GRM7: variants seen among roughly 807,000 people sequenced by gnomAD.
The protein encoded by GRM7 is glutamate metabotropic receptor 7, also known as metabotropic glutamate receptor 7.
Under a neutral mutation model 84.5 loss-of-function variants are expected in GRM7, and 35 were observed. That is an observed-to-expected ratio of 0.41 (90% confidence interval 0.32 to 0.55). GRM7 has a LOEUF of 0.55. Ranked by LOEUF, GRM7 falls within the 20% of genes least tolerant of loss-of-function variation. The probability of loss-of-function intolerance (pLI) is 0.19; values close to 1 mark genes in which losing one functional copy is unlikely to be tolerated. For missense variants in GRM7, 1,003 were observed against 1,194.6 expected, an observed-to-expected ratio of 0.84 and a Z score of 2.36; for synonymous variants, 487 against 455.1, an observed-to-expected ratio of 1.07 and a Z score of -0.89.
chr3:7,337,360 G>A (rs1309448424), intron 4 of GRM7, among the ~76,000 whole-genome samples: 1 of 152,030 alleles, frequency 6.6e-6, no homozygotes, highest in African/African-American at 2.4e-5. Context: ...TAGGCAAATA[G>A]TTCGTGACCA....
chr3:7,639,206 A>G (rs1481231301), intron 8 of GRM7, among the ~76,000 whole-genome samples: 1 of 152,120 alleles, frequency 6.6e-6, no homozygotes, highest in Non-Finnish European at 1.5e-5. Flanking sequence ...TTGCTTCTTT[A>G]GAAACTCCAG....
intron 1 of GRM7, among the ~76,000 whole-genome samples, chr3:7,061,971 A>G (rs958050374): frequency 6.6e-6 from 1 of 151,620 alleles, no homozygotes; most frequent in African/African-American, 2.4e-5. Flanking sequence ...CAGGAGAGAG[A>G]GTAATGTGGG....
intron 4 of GRM7, among the ~76,000 whole-genome samples, chr3:7,346,782 A>G (rs2125086283): frequency 6.6e-6 from 1 of 152,288 alleles, no homozygotes; most frequent in South Asian, 2.1e-4. Context: ...TGATCTCATC[A>G]TTTGAAGTGC....
chr3:7,646,455 G>A (rs1275666142), intron 8 of GRM7, among the ~76,000 whole-genome samples: 1 of 152,092 alleles, frequency 6.6e-6, no homozygotes, highest in Non-Finnish European at 1.5e-5. Flanking sequence ...GCCTCCCAAA[G>A]TGCTTGGATT....
Position 6,862,087 on chromosome 3 carries a change from C to T in GRM7, c.519+180C>T, listed in dbSNP as rs1424133919. ...GATACCTTCCCTGCTTGGTTTATTTCCCTTCCATCTCTCCCCTGTCCACGC... is the reference window on the plus strand; with the variant it reads ...GATACCTTCCCTGCTTGGTTTATTTTCCTTCCATCTCTCCCCTGTCCACGC... On this transcript the variant is annotated intron_variant, in intron 1 of 9. Coordinates refer to ENST00000357716, the MANE Select transcript of GRM7 (RefSeq NM_000844.4). The surrounding 1 kb of genome is among the most constrained non-coding windows in gnomAD (Gnocchi z 5.2). Among the ~76,000 whole-genome samples the T allele has an allele frequency of 6.6e-6, 1 of 151,988 alleles. No homozygotes were observed. The highest frequency in any genetic ancestry group is 1.5e-5 in the Non-Finnish European group (1 of 68,008).
At chr3:7,110,978 T>A (rs569516454) in intron 1 of GRM7, among the ~76,000 whole-genome samples, 1 of 151,956 alleles carries the variant, frequency 6.6e-6, no homozygotes, top group Non-Finnish European at 1.5e-5. Context: ...GAAGACAGAA[T>A]GGGTGGAGGG....
intron 4 of GRM7, among the ~76,000 whole-genome samples, chr3:7,343,913 A>G (rs1692768139): frequency 6.6e-6 from 1 of 151,186 alleles, no homozygotes. Context: ...TGCAGCAAGT[A>G]GGGAATGAGG....
chr3:7,029,310 A>AAC (rs1696099704), intron 1 of GRM7, among the ~76,000 whole-genome samples: 1 of 110,122 alleles, frequency 9.1e-6, no homozygotes, highest in African/African-American at 2.8e-5. Context: ...TCAAAAAAAA[A>AAC]AAAACAAAAA....
At chr3:7,443,094 T>A (rs1375092520) in intron 5 of GRM7, among the ~76,000 whole-genome samples, 7 of 152,120 alleles carry the variant, frequency 4.6e-5, no homozygotes, top group Admixed American at 4.6e-4. Flanking sequence ...CTCCCTCTTC[T>A]GTTTTTATTT....
chr3:7,472,021 C>T (rs1167997063), intron 7 of GRM7, among the ~76,000 whole-genome samples: 1 of 152,156 alleles, frequency 6.6e-6, no homozygotes, highest in African/African-American at 2.4e-5. Flanking sequence ...GATTCATGCC[C>T]TACCTCGGAG....
chr3:7,371,688 C>G (rs1694142365), intron 4 of GRM7, among the ~76,000 whole-genome samples: 1 of 152,200 alleles, frequency 6.6e-6, no homozygotes, highest in South Asian at 2.1e-4. Context: ...CTGACACCCC[C>G]TTTCTCCTCC....
rs147689420 is a variant in GRM7 at position 7,597,059 on chromosome 3, T to G, written c.2451+17702T>G. 2.0e-5 allele frequency among the ~76,000 whole-genome samples: 3 copies of G among 152,304 alleles called. No individual in the cohort carries two copies. In the East Asian group the frequency reaches 5.8e-4, roughly 29 times the overall value. On this transcript the variant is annotated intron_variant, in intron 8 of 9. Coordinates refer to ENST00000357716, the MANE Select transcript of GRM7 (RefSeq NM_000844.4). The stretch of plus-strand genomic sequence containing the variant: ...TATTATTCGGCTATAAAGAAATACC[T>G]GAGACTGGGTAATTTATAAAGAAAA...
chr3:7,284,924 G>A (rs190844111), intron 2 of GRM7, among the ~76,000 whole-genome samples: 1 of 152,200 alleles, frequency 6.6e-6, no homozygotes, highest in Admixed American at 6.5e-5. Flanking sequence ...CAATAAAAAT[G>A]ATGCTAATTT....
intron 7 of GRM7, among the ~76,000 whole-genome samples, chr3:7,505,266 G>T (rs1006224309): frequency 6.6e-6 from 1 of 152,210 alleles, no homozygotes; most frequent in Admixed American, 6.5e-5. Context: ...GGAGGGCTCC[G>T]CCTATGTAGC....
chr3:7,119,626 C>G (rs892581204), intron 1 of GRM7, among the ~76,000 whole-genome samples: 1 of 152,126 alleles, frequency 6.6e-6, no homozygotes, highest in African/African-American at 2.4e-5. Flanking sequence ...CATTCATAAT[C>G]TAGGACTGGA....
chr3:7,433,925 G>A (rs2124854520), intron 5 of GRM7, among the ~76,000 whole-genome samples: 1 of 152,276 alleles, frequency 6.6e-6, no homozygotes, highest in Admixed American at 6.5e-5. Context: ...CCAATATGGA[G>A]AAAATGGACA....
At chr3:7,472,086 A>C (rs991064026) in intron 7 of GRM7, among the ~76,000 whole-genome samples, 1 of 152,162 alleles carries the variant, frequency 6.6e-6, no homozygotes. Context: ...TAAAAAGCCC[A>C]AAAACTCCCT....
At chr3:7,276,355 T>C (rs1184006027) in intron 2 of GRM7, among the ~76,000 whole-genome samples, 3 of 151,808 alleles carry the variant, frequency 2.0e-5, no homozygotes, top group African/African-American at 4.8e-5. Flanking sequence ...CCAATCTAGT[T>C]AATTGCAAAA....
intron 1 of GRM7, among the ~76,000 whole-genome samples, chr3:6,919,418 G>A (rs1307942392): frequency 6.8e-6 from 1 of 147,810 alleles, no homozygotes. Context: ...ATGTTGGCCA[G>A]GCTGGTCTCA....
Sources: allele counts gnomAD v4.1 joint callset (sites outside exome capture counted in the v4.1 genomes callset), GRCh38; gene constraint gnomAD v4.1.1; non-coding constraint Gnocchi (gnomAD v3.1); transcripts MANE v1.5; gene names NCBI Gene and HGNC (gene_info 2026-07-23, HGNC 2026-07-21).